The following TNFAIP8L3 variants were observed in gnomAD, a reference collection of about 807,000 sequenced individuals.
TNFAIP8L3 encodes the protein tumor necrosis factor alpha-induced protein 8-like protein 3.
TNFAIP8L3 carries 7 observed loss-of-function variants against 11.8 expected under a neutral mutation model. That is an observed-to-expected ratio of 0.59 (90% CI 0.34 to 1.11). The LOEUF (loss-of-function observed/expected upper bound fraction) is 1.11, where lower values mean the gene tolerates loss of function less well. Ranked by LOEUF, TNFAIP8L3 falls within the 50% of genes most tolerant of loss-of-function variation. The pLI is 0.03. For missense variants in TNFAIP8L3, 219 were observed against 258.6 expected (o/e 0.85, Z 1.05); for synonymous variants, 98 against 103.8 (o/e 0.94, Z 0.34).
At chr15:51,080,057 G>C (rs1262565732) in intron 1 of TNFAIP8L3, among the ~76,000 whole-genome samples, 1 of 151,988 alleles carries the variant, frequency 6.6e-6, no homozygotes, top group Non-Finnish European at 1.5e-5. Flanking sequence ...GTTAATTCTT[G>C]ATTTTATTTG....
intron 1 of TNFAIP8L3, among the ~76,000 whole-genome samples, chr15:51,077,721 CA>C (rs376576886): frequency 4.6e-5 from 7 of 152,346 alleles, no homozygotes; most frequent in African/African-American, 1.7e-4. Flanking sequence ...CCTTCCCCGA[CA>C]GCTTCTCGCT....
chr15:51,059,506 A>C (rs535476805), intron 1 of TNFAIP8L3, among the ~76,000 whole-genome samples: 1 of 152,330 alleles, frequency 6.6e-6, no homozygotes, highest in Admixed American at 6.5e-5. Flanking sequence ...TGGAGCTGAC[A>C]TCTGAAATGA....
chr15:51,059,052 A>G (rs913943925), intron 1 of TNFAIP8L3, among the ~76,000 whole-genome samples: 1 of 152,254 alleles, frequency 6.6e-6, no homozygotes, highest in Non-Finnish European at 1.5e-5. Context: ...ACCTGTGTGC[A>G]CATCAATTTA....
chr15:51,068,210 G>C (rs569105651), intron 1 of TNFAIP8L3, among the ~76,000 whole-genome samples: 1 of 152,280 alleles, frequency 6.6e-6, no homozygotes, highest in South Asian at 2.1e-4. Context: ...GGATGACGAT[G>C]AGTTGTTTCT....
chr15:51,068,753 G>T (rs62018194), intron 1 of TNFAIP8L3, among the ~76,000 whole-genome samples: 27 of 139,292 alleles, frequency 1.9e-4, no homozygotes, highest in Non-Finnish European at 3.3e-4. Flanking sequence ...TGCAACCTCC[G>T]CCTCCCGGGT....
intron 1 of TNFAIP8L3, among the ~76,000 whole-genome samples, chr15:51,073,252 TCCCAAAGTGCTGGGACTATAGGCGTGA>T (rs1424717974): frequency 6.6e-6 from 1 of 152,192 alleles, no homozygotes; most frequent in African/African-American, 2.4e-5. Context: ...TGCCTTGGCC[TCCCAAAGTGCTGGGACTATAGGCGTGA>T]GCCACCACGC....
chr15:51,060,562 C>T (rs1253611642), intron 1 of TNFAIP8L3, among the ~76,000 whole-genome samples: 1 of 152,214 alleles, frequency 6.6e-6, no homozygotes, highest in African/African-American at 2.4e-5. Context: ...CATATGCATC[C>T]AGTGGCAGGT....
intron 1 of TNFAIP8L3, among the ~76,000 whole-genome samples, chr15:51,091,372 T>C (rs1163709477): frequency 6.6e-6 from 1 of 151,978 alleles, no homozygotes; most frequent in Non-Finnish European, 1.5e-5. Flanking sequence ...TGCCAATAGG[T>C]GACTAGAAAG....
At chr15:51,095,393 G>T (rs2065507246), upstream of TNFAIP8L3, among the ~76,000 whole-genome samples, 1 of 152,124 alleles carries the variant, frequency 6.6e-6, no homozygotes, top group African/African-American at 2.4e-5. Context: ...CACACAGGCA[G>T]GTAATGCTAA....
intron 1 of TNFAIP8L3, chr15:51,064,906 G>A (rs1411057917): frequency 3.3e-5 from 5 of 152,204 alleles, no homozygotes; most frequent in African/African-American, 7.2e-5. Context: ...CTAGTGGACC[G>A]TGTTTATTAA....
At chr15:51,079,229 C>G (rs190075446) in intron 1 of TNFAIP8L3, among the ~76,000 whole-genome samples, 20 of 152,276 alleles carry the variant, frequency 1.3e-4, no homozygotes, top group African/African-American at 4.8e-4. Flanking sequence ...TGACCTCTTA[C>G]TCTCTTCCCA....
chr15:51,065,227 G>A (rs924230691), intron 1 of TNFAIP8L3, among the ~76,000 whole-genome samples: 3 of 152,150 alleles, frequency 2.0e-5, no homozygotes, highest in Non-Finnish European at 2.9e-5. Flanking sequence ...AGGACCCTTC[G>A]ATCATTTACA....
At chr15:51,080,458 A>C (rs969864474) in intron 1 of TNFAIP8L3, among the ~76,000 whole-genome samples, 4 of 151,888 alleles carry the variant, frequency 2.6e-5, no homozygotes, top group African/African-American at 9.7e-5. Flanking sequence ...CTGTCCCCCA[A>C]CTCAAGTCTG....
chr15:51,103,216 G>A (rs988000429), intron 1 of TNFAIP8L3, among the ~76,000 whole-genome samples: 1 of 152,176 alleles, frequency 6.6e-6, no homozygotes, highest in African/African-American at 2.4e-5. Flanking sequence ...AATCTTCCAT[G>A]CCTGGTTGCC....
chr15:51,076,138 CTG>C (rs1313257432), intron 1 of TNFAIP8L3, among the ~76,000 whole-genome samples: 1 of 152,156 alleles, frequency 6.6e-6, no homozygotes, highest in African/African-American at 2.4e-5. Context: ...TACATATACT[CTG>C]TAGTAAAACT....
At chr15:51,073,204 C>G (rs2065324539) in intron 1 of TNFAIP8L3, among the ~76,000 whole-genome samples, 1 of 152,110 alleles carries the variant, frequency 6.6e-6, no homozygotes, top group African/African-American at 2.4e-5. Context: ...CCATGTTGGT[C>G]AGGCTGGTCT....
At chr15:51,059,355 G>A (rs988188034) in intron 1 of TNFAIP8L3, among the ~76,000 whole-genome samples, 2 of 152,168 alleles carry the variant, frequency 1.3e-5, no homozygotes, top group Non-Finnish European at 2.9e-5. Context: ...CTTTCAATAA[G>A]TATAAATAAA....
chr15:51,072,690 C>T (rs879939476), intron 1 of TNFAIP8L3, among the ~76,000 whole-genome samples: 8 of 152,112 alleles, frequency 5.3e-5, no homozygotes, highest in Non-Finnish European at 8.8e-5. Context: ...ATAGTTCATA[C>T]TTCTGCTACC....
At chr15:51,063,337 C>T (rs999347109) in intron 1 of TNFAIP8L3, among the ~76,000 whole-genome samples, 1 of 152,162 alleles carries the variant, frequency 6.6e-6, no homozygotes, top group Non-Finnish European at 1.5e-5. Flanking sequence ...GGAGGGCTTT[C>T]CCAGGCAGTG....
Sources: allele counts gnomAD v4.1 joint callset (sites outside exome capture counted in the v4.1 genomes callset), GRCh38; gene constraint gnomAD v4.1.1; transcripts MANE v1.5; gene names NCBI Gene and HGNC (gene_info 2026-07-23, HGNC 2026-07-21).